ZC3H12B: variants seen among roughly 807,000 people sequenced by gnomAD.
ZC3H12B encodes probable ribonuclease ZC3H12B.
A neutral mutation model predicts 43.9 loss-of-function variants in ZC3H12B; 7 were observed. The observed-to-expected ratio is 0.16, with a 90% CI of 0.09 to 0.30. The LOEUF is 0.30. Ranked by LOEUF, ZC3H12B falls within the 10% of genes least tolerant of loss-of-function variation. The pLI is 1.00. For missense variants in ZC3H12B, 475 were observed against 670.2 expected (o/e 0.71, Z 3.22); for synonymous variants, 222 against 241.7 (o/e 0.92, Z 0.76).
chrX:65,337,911 G>C, the ZC3H12B span, among the ~76,000 whole-genome samples: 1 of 112,040 alleles, frequency 8.9e-6, no homozygotes. Flanking sequence ...AAAATGTTTT[G>C]GGTGTCATTA....
At chrX:65,087,401 CAGAGACTGGCA>C in the ZC3H12B span, among the ~76,000 whole-genome samples, 1 of 112,107 alleles carries the variant, frequency 8.9e-6, no homozygotes, top group Non-Finnish European at 1.9e-5. Context: ...ATGGCAAAGC[CAGAGACTGGCA>C]CGGGAGTTGA....
At chrX:65,180,204 G>A in the ZC3H12B span, among the ~76,000 whole-genome samples, 3 of 111,726 alleles carry the variant, frequency 2.7e-5, no homozygotes, top group African/African-American at 6.5e-5. Context: ...TTCAACATAC[G>A]CAAATCATTA....
the ZC3H12B span, among the ~76,000 whole-genome samples, chrX:65,062,542 A>G: frequency 8.9e-6 from 1 of 111,997 alleles, no homozygotes; most frequent in Non-Finnish European, 1.9e-5. Context: ...TACCAGTACC[A>G]TGCTGTTTTG....
chrX:65,081,351 GA>G, the ZC3H12B span, among the ~76,000 whole-genome samples: 1 of 110,498 alleles, frequency 9.0e-6, no homozygotes, highest in Non-Finnish European at 1.9e-5. Context: ...CTGATTGGAT[GA>G]AAAAAGAAGA....
intron 3 of ZC3H12B, among the ~76,000 whole-genome samples, chrX:65,438,454 G>A (rs913715846): frequency 9.0e-6 from 1 of 111,272 alleles, no homozygotes; most frequent in African/African-American, 3.3e-5. Flanking sequence ...TATTCCTAAT[G>A]CCAAGACCAG....
chrX:65,472,825 GATAT>G lies in ZC3H12B; in HGVS notation n.408-15790_408-15787del, dbSNP rs58372328. ...ATACTGTTTTGATTACCATACCTTT[GATAT>G]ATATATATATATATATATATATATA... On this transcript the variant is annotated intron_variant and non_coding_transcript_variant, in intron 3 of 5. Coordinates refer to the ZC3H12B transcript ENST00000617377. Among the ~76,000 whole-genome samples, 158 of 31,555 alleles carry G rather than the reference GATAT, an allele frequency of 5.0e-3. 7 individuals are homozygous for G. The highest frequency in any genetic ancestry group is 0.045 in the Middle Eastern group (2 of 44). The allele number at this position is 31,555 out of a possible 115,157, so 27.4% of individuals were successfully genotyped here.
At chrX:65,359,311 T>G in the ZC3H12B span, among the ~76,000 whole-genome samples, 1 of 112,003 alleles carries the variant, frequency 8.9e-6, no homozygotes, top group Non-Finnish European at 1.9e-5. Context: ...TAATATTGAT[T>G]TTCAAGTCCT....
At chrX:65,260,716 T>G in the ZC3H12B span, among the ~76,000 whole-genome samples, 5 of 111,805 alleles carry the variant, frequency 4.5e-5, no homozygotes, top group African/African-American at 1.6e-4. Context: ...AAGTAAAATT[T>G]CTTCTCCTTA....
At chrX:65,242,774 A>T in the ZC3H12B span, among the ~76,000 whole-genome samples, 1 of 112,353 alleles carries the variant, frequency 8.9e-6, no homozygotes, top group African/African-American at 3.2e-5. Context: ...CTGTCATAAA[A>T]GCATACACAT....
chrX:65,365,589 C>T (rs2066163849), upstream of ZC3H12B, among the ~76,000 whole-genome samples: 1 of 110,916 alleles, frequency 9.0e-6, no homozygotes, highest in South Asian at 3.9e-4. Flanking sequence ...CATACCATCC[C>T]CCAAAATTTT....
the ZC3H12B span, among the ~76,000 whole-genome samples, chrX:65,129,076 G>A: frequency 2.4e-4 from 26 of 109,317 alleles, no homozygotes; most frequent in East Asian, 2.3e-3. Context: ...TAAGTCTGCC[G>A]TTTTATTGTT....
At chrX:65,381,269 C>T (rs770230253) in intron 2 of ZC3H12B, among the ~76,000 whole-genome samples, 9 of 111,818 alleles carry the variant, frequency 8.0e-5, no homozygotes, top group African/African-American at 2.3e-4. Context: ...GACCACAGTG[C>T]AATCAAACTA....
chrX:65,214,064 T>A, the ZC3H12B span, among the ~76,000 whole-genome samples: 1 of 111,062 alleles, frequency 9.0e-6, no homozygotes, highest in Admixed American at 9.7e-5. Flanking sequence ...CATATCTTAT[T>A]TCAAAGGTAC....
chrX:65,297,725 C>T, the ZC3H12B span, among the ~76,000 whole-genome samples: 1 of 111,511 alleles, frequency 9.0e-6, no homozygotes, highest in Admixed American at 9.5e-5. Context: ...CTGGAGGCAT[C>T]GCATTACCTG....
At chrX:65,178,159 G>A in the ZC3H12B span, among the ~76,000 whole-genome samples, 1 of 112,013 alleles carries the variant, frequency 8.9e-6, no homozygotes. Context: ...ACAAGCAATG[G>A]GGAAAGTATT....
chrX:65,170,714 T>G, the ZC3H12B span, among the ~76,000 whole-genome samples: 2 of 111,751 alleles, frequency 1.8e-5, no homozygotes, highest in Non-Finnish European at 3.8e-5. Flanking sequence ...CCCATATTTC[T>G]TGGAGGCTTT....
At chrX:65,145,584 G>A in the ZC3H12B span, among the ~76,000 whole-genome samples, 3 of 111,265 alleles carry the variant, frequency 2.7e-5, no homozygotes, top group Non-Finnish European at 5.7e-5. Flanking sequence ...TTGTTTTATA[G>A]GTCCTGTGAG....
the ZC3H12B span, among the ~76,000 whole-genome samples, chrX:65,350,319 G>A: frequency 2.7e-5 from 3 of 111,380 alleles, no homozygotes; most frequent in Non-Finnish European, 5.7e-5. Context: ...CAATAAAGTG[G>A]GTATTAATAG....
chrX:65,286,416 G>A, the ZC3H12B span, among the ~76,000 whole-genome samples: 1 of 111,523 alleles, frequency 9.0e-6, no homozygotes, highest in Non-Finnish European at 1.9e-5. Flanking sequence ...AGAGCAGGGA[G>A]CTTGGAGGGA....
Sources: gnomAD v4.1 joint callset for allele counts (sites outside exome capture counted in the v4.1 genomes callset) on GRCh38, gnomAD v4.1.1 for gene constraint, MANE v1.5 for transcripts, NCBI Gene and HGNC (gene_info 2026-07-23, HGNC 2026-07-21) for gene names.